FBLN5: variants seen among roughly 807,000 people sequenced by gnomAD.
The protein encoded by FBLN5 is fibulin 5, also known as fibulin-5.
Under a neutral mutation model 61.6 loss-of-function variants are expected in FBLN5, and 24 were observed. The ratio of observed to expected loss-of-function variants is 0.39; its 90% CI spans 0.28 to 0.55. The LOEUF (loss-of-function observed/expected upper bound fraction) is 0.55, where lower values mean the gene tolerates loss of function less well. Ranked by LOEUF, FBLN5 falls within the 20% of genes least tolerant of loss-of-function variation. The probability of loss-of-function intolerance (pLI) is 0.65; values close to 1 mark genes in which losing one functional copy is unlikely to be tolerated. For synonymous variants in FBLN5, 213 were observed against 219.8 expected, an observed-to-expected ratio of 0.97 and a Z score of 0.27; for missense variants, 470 against 594.1, an observed-to-expected ratio of 0.79 and a Z score of 2.17.
chr14:91,870,453 C>T (rs757180243), intron 10 of FBLN5, 68 bp from the exon 11 acceptor site: 72 of 1,521,032 alleles, frequency 4.7e-5, no homozygotes, highest in East Asian at 2.5e-4. Context: ...CCCACCTGGG[C>T]GCTCCCTTGC....
rs1566830419 is a variant in FBLN5 at position 91,940,627 on chromosome 14, G to A, written c.73-11C>T. On this transcript the variant is annotated splice_polypyrimidine_tract_variant and intron_variant, in intron 2 of 10. Transcript: ENST00000342058. ...ATTCGTGCACTGTGCCTGCAGGGAA[G>A]GAGAGAGGAGAAACAGGCAAGGTCA... 1 of 1,613,384 alleles carries A rather than the reference G, an allele frequency of 6.2e-7. No individual in the cohort carries two copies. Among genetic ancestry groups the A allele is most frequent in the East Asian group, 2.2e-5 (1 of 44,886 alleles).
chr14:91,926,114 A>T (rs1595339251), intron 4 of FBLN5, among the ~76,000 whole-genome samples: 1 of 152,176 alleles, frequency 6.6e-6, no homozygotes, highest in South Asian at 2.1e-4. Context: ...GGAGGCTGGC[A>T]CTGTGCCTTT....
In FBLN5 at chr14:91,870,238, G is replaced by A; in HGVS notation, c.1333C>T (p.Gln445Ter). Residue 445 changes from glutamine to a stop codon, truncating the protein, a stop_gained, in exon 11 of 11, where the codon CAG becomes TAG. Transcript: ENST00000342058. LOFTEE classifies it high-confidence loss of function. ...SVIRLRIYVS[Q>*]YPF ...CAGCCCGAGGCTCAGAATGGGTACTGCGACACATATATCCGCAGTCGGATC... is the reference window on the plus strand; with the variant it reads ...CAGCCCGAGGCTCAGAATGGGTACTACGACACATATATCCGCAGTCGGATC... The A allele has an allele frequency of 6.2e-7, 1 of 1,614,248 alleles. No individual in the cohort carries two copies. Among genetic ancestry groups the A allele is most frequent in the Non-Finnish European group, 8.5e-7 (1 of 1,180,030 alleles).
Position 91,943,053 on chromosome 14 carries a change from A to G in FBLN5, c.18-92T>C, listed in dbSNP as rs953952718. The G allele has an allele frequency of 4.7e-6, 4 of 852,408 alleles. No individual in the cohort carries two copies. Among genetic ancestry groups the G allele is most frequent in the African/African-American group, 1.7e-5 (1 of 59,450 alleles). The allele number at this position is 852,408 out of a possible 1,614,324, so 52.8% of individuals were successfully genotyped here. A position where few individuals can be genotyped will look rare whatever the true frequency, so the allele number is the denominator to read the frequency against. ...ATGCGGCCCGTGACGTGTAACGGTG[A>G]TATCACCTTGGGCTTGTATGGGGTG... On this transcript the variant is annotated intron_variant, in intron 1 of 10. Coordinates refer to ENST00000342058, the MANE Select transcript of FBLN5 (RefSeq NM_006329.4). The surrounding 1 kb of genome is among the most constrained non-coding windows in gnomAD (Gnocchi z 4.0).
intron 7 of FBLN5, among the ~76,000 whole-genome samples, chr14:91,886,648 C>A (rs911248016): frequency 1.3e-5 from 2 of 151,936 alleles, no homozygotes; most frequent in African/African-American, 4.8e-5. Context: ...TCCATTGATT[C>A]GAGAACTATT....
At chr14:91,873,674 C>T (rs1053236209) in intron 10 of FBLN5, 8 of 152,288 alleles carry the variant, frequency 5.3e-5, no homozygotes, top group African/African-American at 7.2e-5. Context: ...GCTGAATGCA[C>T]GCTGGTAACG....
At chr14:91,888,347 G>C (rs188933626) in intron 6 of FBLN5, among the ~76,000 whole-genome samples, 79 of 151,678 alleles carry the variant, frequency 5.2e-4, no homozygotes, top group African/African-American at 1.8e-3. Flanking sequence ...GCTCACACCT[G>C]CAATCCCAGC....
chr14:91,919,382 AAAG>A (rs1475207201), intron 4 of FBLN5, among the ~76,000 whole-genome samples: 4 of 96,118 alleles, frequency 4.2e-5, no homozygotes, highest in African/African-American at 1.9e-4. Flanking sequence ...AAAAGAAAAG[AAAG>A]AAAGAAAGGA....
At chr14:91,881,125 A>G (rs2430346) in intron 9 of FBLN5, among the ~76,000 whole-genome samples, 167 bp downstream of exon 9, 1 of 5,392 alleles carries the variant, frequency 1.9e-4, no homozygotes, top group African/African-American at 2.6e-4. Flanking sequence ...TATTCTACAC[A>G]CACACACACA....
chr14:91,888,006 C>A (rs1248248410), intron 6 of FBLN5, among the ~76,000 whole-genome samples: 1 of 152,150 alleles, frequency 6.6e-6, no homozygotes, highest in Non-Finnish European at 1.5e-5. Context: ...ATTGTTTAAG[C>A]ATTTTTGAAG....
chr14:91,911,015 A>G (rs1483307369), intron 4 of FBLN5, among the ~76,000 whole-genome samples: 2 of 149,762 alleles, frequency 1.3e-5, no homozygotes, highest in Non-Finnish European at 3.0e-5. Context: ...ACAGAGTCTC[A>G]CTCTGTCACC....
chr14:91,870,636 G>T (rs901849523), intron 10 of FBLN5, among the ~76,000 whole-genome samples: 1 of 152,204 alleles, frequency 6.6e-6, no homozygotes, highest in South Asian at 2.1e-4. Context: ...GTCCCCCTGC[G>T]ACCTCTGACG....
intron 4 of FBLN5, among the ~76,000 whole-genome samples, chr14:91,912,636 C>A (rs8021116): frequency 0.37 from 56,697 of 151,562 alleles, 11,430 homozygotes; most frequent in Non-Finnish European, 0.47. Context: ...CAGAGCTAGA[C>A]GATATCTCAA....
intron 4 of FBLN5, among the ~76,000 whole-genome samples, chr14:91,936,112 A>G (rs1181612572): frequency 6.6e-6 from 1 of 152,222 alleles, no homozygotes; most frequent in Non-Finnish European, 1.5e-5. Flanking sequence ...GAGCCCTGAA[A>G]TGGGACAACA....
At chr14:91,929,102 CA>C (rs1455544562) in intron 4 of FBLN5, among the ~76,000 whole-genome samples, 6 of 150,878 alleles carry the variant, frequency 4.0e-5, no homozygotes, top group East Asian at 1.9e-4. Context: ...CACACACACA[CA>C]CACACACACA....
rs1889760765 is a variant in FBLN5 at position 91,887,139 on chromosome 14, C to T, written c.739+54G>A. ...TATGAAGGAAGCCCTTGCCCTTCAA[C>T]CCCTGCCCAGGCCCCAAGTACAGGT... On this transcript the variant is annotated intron_variant, in intron 7 of 10. Coordinates refer to ENST00000342058, the MANE Select transcript of FBLN5 (RefSeq NM_006329.4). 18 of 1,607,946 alleles carry T rather than the reference C, an allele frequency of 1.1e-5. No individual in the cohort carries two copies. In the South Asian group the frequency reaches 2.0e-4, roughly 18 times the overall value.
At chr14:91,911,710 C>G (rs1314991645) in intron 4 of FBLN5, among the ~76,000 whole-genome samples, 1 of 151,954 alleles carries the variant, frequency 6.6e-6, no homozygotes, top group Non-Finnish European at 1.5e-5. Context: ...CTCTGGGGCC[C>G]AGTTGAGCTC....
At chr14:91,889,986 G>T (rs1017218942) in intron 6 of FBLN5, among the ~76,000 whole-genome samples, 7 of 152,208 alleles carry the variant, frequency 4.6e-5, no homozygotes, top group African/African-American at 1.7e-4. Context: ...TTGGCACAGA[G>T]AAGCCTGCAT....
chr14:91,941,591 G>A (rs74071639), intron 2 of FBLN5, among the ~76,000 whole-genome samples: 1,542 of 152,254 alleles, frequency 0.01, 19 homozygotes, highest in African/African-American at 0.034. Context: ...TTGGGGCAAA[G>A]GAAGTGGAAC....
Sources: allele counts gnomAD v4.1 joint callset (sites outside exome capture counted in the v4.1 genomes callset), GRCh38; gene constraint gnomAD v4.1.1; non-coding constraint Gnocchi (gnomAD v3.1); transcripts MANE v1.5; gene names NCBI Gene and HGNC (gene_info 2026-07-23, HGNC 2026-07-21).